LRRIQ3: variants seen among roughly 807,000 people sequenced by gnomAD.
The protein encoded by LRRIQ3 is leucine-rich repeat and IQ domain-containing protein 3.
LRRIQ3 carries 75 observed loss-of-function variants against 59.3 expected under a neutral mutation model. The ratio of observed to expected loss-of-function variants is 1.26; its 90% confidence interval spans 1.05 to 1.53. The LOEUF (loss-of-function observed/expected upper bound fraction) is 1.53, where lower values mean the gene tolerates loss of function less well. LRRIQ3 is among the 40% of genes most tolerant of loss of function. LRRIQ3 has a pLI of 0.00. For synonymous variants in LRRIQ3, 250 were observed against 231.3 expected, an observed-to-expected ratio of 1.08 and a Z score of -0.73; for missense variants, 831 against 710.0, an observed-to-expected ratio of 1.17 and a Z score of -1.94.
chr1:74,143,071 T>G (rs540862078), intron 4 of LRRIQ3, among the ~76,000 whole-genome samples: 30 of 152,154 alleles, frequency 2.0e-4, no homozygotes, highest in African/African-American at 7.0e-4. Context: ...TTTTTTATTC[T>G]GAGTTTCAAA....
intron 4 of LRRIQ3, among the ~76,000 whole-genome samples, chr1:74,136,363 T>A (rs1647123988): frequency 6.6e-6 from 1 of 151,810 alleles, no homozygotes; most frequent in Non-Finnish European, 1.5e-5. Context: ...AAGAAACACA[T>A]CCCAATTAAT....
intron 1 of LRRIQ3, among the ~76,000 whole-genome samples, chr1:74,196,063 C>CA (rs1164540084): frequency 6.6e-6 from 1 of 151,500 alleles, no homozygotes; most frequent in Non-Finnish European, 1.5e-5. Context: ...AAACAGAAGC[C>CA]ATAGCTGATA....
At chr1:74,049,590 A>T (rs1209851148) in intron 6 of LRRIQ3, among the ~76,000 whole-genome samples, 1 of 152,166 alleles carries the variant, frequency 6.6e-6, no homozygotes, top group Non-Finnish European at 1.5e-5. Flanking sequence ...GGCTTGAGAA[A>T]CCAGGTGAAT....
intron 5 of LRRIQ3, among the ~76,000 whole-genome samples, chr1:74,092,758 T>C (rs112369369): frequency 5.9e-5 from 9 of 152,154 alleles, no homozygotes; most frequent in African/African-American, 2.2e-4. Flanking sequence ...ACTGAGATTC[T>C]AGTGATTCAG....
intron 3 of LRRIQ3, among the ~76,000 whole-genome samples, chr1:74,163,128 A>AT (rs969824660): frequency 2.0e-5 from 3 of 151,642 alleles, no homozygotes; most frequent in African/African-American, 7.2e-5. Context: ...ATATCAGTTA[A>AT]TTTTTTTTAA....
At chr1:74,086,280 C>T (rs369143153) in intron 5 of LRRIQ3, among the ~76,000 whole-genome samples, 4 of 152,026 alleles carry the variant, frequency 2.6e-5, no homozygotes, top group East Asian at 3.9e-4. Flanking sequence ...GTCTTTAGTC[C>T]GAGTTTTCTT....
chr1:74,055,524 T>C (rs1212796242), intron 6 of LRRIQ3, among the ~76,000 whole-genome samples: 2 of 152,192 alleles, frequency 1.3e-5, no homozygotes, highest in Non-Finnish European at 2.9e-5. Flanking sequence ...TTTATCAGTA[T>C]TTCATTCCTC....
chr1:74,100,895 T>C (rs1331830174), intron 5 of LRRIQ3, among the ~76,000 whole-genome samples: 1 of 152,120 alleles, frequency 6.6e-6, no homozygotes, highest in African/African-American at 2.4e-5. Context: ...TTACACCTTA[T>C]ACAAAAATTA....
intron 4 of LRRIQ3, among the ~76,000 whole-genome samples, chr1:74,115,465 G>A (rs1350529096): frequency 6.6e-6 from 1 of 152,084 alleles, no homozygotes. Context: ...AGGAATTCAG[G>A]AATTATCTGG....
rs188049204 is a variant in LRRIQ3, at chr1:74,133,229, T to C, written c.707+22504A>G. ...AGGAAACAACAGGTGCTGGAGAGGA[T>C]GTGGAGAAATAGGAACACTTTTATA... On this transcript the variant is annotated intron_variant, in intron 4 of 7. Transcript: ENST00000354431. 3.8e-3 allele frequency among the ~76,000 whole-genome samples: 574 copies of C among 152,242 alleles called. 5 individuals are homozygous for C. Among genetic ancestry groups the C allele is most frequent in the African/African-American group, 0.013 (545 of 41,532 alleles).
chr1:74,136,918 G>A (rs1344534071), intron 4 of LRRIQ3, among the ~76,000 whole-genome samples: 2 of 151,714 alleles, frequency 1.3e-5, no homozygotes, highest in East Asian at 3.9e-4. Flanking sequence ...ACCTCATAAC[G>A]GTTCTTTATT....
intron 6 of LRRIQ3, among the ~76,000 whole-genome samples, chr1:74,054,339 A>C (rs1654458526): frequency 6.6e-6 from 1 of 152,208 alleles, no homozygotes; most frequent in Non-Finnish European, 1.5e-5. Context: ...TAAACCTGTA[A>C]ATAATAGTAA....
At chr1:74,098,600 C>G (rs898858261) in intron 5 of LRRIQ3, among the ~76,000 whole-genome samples, 1 of 152,170 alleles carries the variant, frequency 6.6e-6, no homozygotes, top group Non-Finnish European at 1.5e-5. Flanking sequence ...ACAGAATATA[C>G]ATTCTTCTCA....
intron 1 of LRRIQ3, among the ~76,000 whole-genome samples, chr1:74,196,697 C>T (rs1651166708): frequency 6.6e-6 from 1 of 152,272 alleles, no homozygotes; most frequent in South Asian, 2.1e-4. Context: ...CAGTCCACAC[C>T]CATTAATTCC....
chr1:74,168,265 G>A (rs1369021709), intron 3 of LRRIQ3, among the ~76,000 whole-genome samples: 2 of 151,754 alleles, frequency 1.3e-5, no homozygotes, highest in Non-Finnish European at 2.9e-5. Flanking sequence ...TTGCTTTATT[G>A]TTTAATGCAT....
At chr1:74,115,869 G>C (rs563860017) in intron 4 of LRRIQ3, among the ~76,000 whole-genome samples, 1 of 151,948 alleles carries the variant, frequency 6.6e-6, no homozygotes, top group South Asian at 2.1e-4. Flanking sequence ...TGTTGGAACA[G>C]GTGTTAAAAC....
Position 74,041,242 on chromosome 1 carries a change from CT to C in LRRIQ3, c.1688del (p.Lys563ArgfsTer7). On this transcript the variant is annotated frameshift_variant, in exon 7 of 8. Transcript: ENST00000354431. LOFTEE classifies it low-confidence loss of function (END_TRUNC). The stretch of plus-strand genomic sequence containing the variant: ...CTTTTTTCATTTCTTTAAGTAAATT[CT>C]TTCTATATTTTTCTGCTTTTAGTTT... ...KQKLKAEKYR[K>X]NLLKEMKKVR... 1.3e-6 allele frequency: 2 copies of C among 1,585,448 alleles called. No homozygotes were observed. Among genetic ancestry groups the C allele is most frequent in the South Asian group, 1.2e-5 (1 of 84,948 alleles).
chr1:74,163,176 A>G (rs1305451793), intron 3 of LRRIQ3, among the ~76,000 whole-genome samples: 1 of 151,666 alleles, frequency 6.6e-6, no homozygotes, highest in South Asian at 2.1e-4. Context: ...AGCATATTTG[A>G]AAAGTGTAAA....
chr1:74,144,396 C>T (rs1044621203), intron 4 of LRRIQ3: 2 of 290,762 alleles, frequency 6.9e-6, no homozygotes, highest in African/African-American at 4.7e-5. Context: ...TAACATGAAA[C>T]ATTTCTTTAT....
Sources: gnomAD v4.1 joint callset for allele counts (sites outside exome capture counted in the v4.1 genomes callset) on GRCh38, gnomAD v4.1.1 for gene constraint, MANE v1.5 for transcripts, NCBI Gene and HGNC (gene_info 2026-07-23, HGNC 2026-07-21) for gene names.